DST: variants seen among roughly 807,000 people sequenced by gnomAD.
DST encodes bullous pemphigoid antigen.
In DST, 253 loss-of-function variants were observed where a neutral mutation model predicts 875.2. That is an observed-to-expected ratio of 0.29 (90% CI 0.26 to 0.32). The LOEUF is 0.32. DST is among the 10% of genes least tolerant of loss of function. The pLI is 1.00. For missense variants in DST, 8,287 were observed against 9,111.6 expected (o/e 0.91, Z 3.68); for synonymous variants, 3,124 against 3,197.1 (o/e 0.98, Z 0.77).
intron 36 of DST, chr6:56,618,199 T>A: frequency 3.1e-6 from 5 of 1,614,098 alleles, no homozygotes; most frequent in Non-Finnish European, 4.2e-6. Flanking sequence ...CTTTCTCGAG[T>A]GGAGCCCCTG....
chr6:56,633,080 T>C, intron 27 of DST, 43 bp from the exon 28 acceptor site: 1 of 1,540,160 alleles, frequency 6.5e-7, no homozygotes, highest in South Asian at 1.1e-5. Flanking sequence ...CTATTACTCA[T>C]AGATTTGAAT....
intron 66 of DST, among the ~76,000 whole-genome samples, chr6:56,529,227 C>T (rs1468991925): frequency 6.6e-6 from 1 of 151,954 alleles, no homozygotes. Context: ...TTGTATACAA[C>T]AATAAAATAA....
intron 4 of DST, among the ~76,000 whole-genome samples, chr6:56,840,046 A>T (rs763714645): frequency 6.6e-6 from 1 of 152,250 alleles, no homozygotes; most frequent in Non-Finnish European, 1.5e-5. Flanking sequence ...TTGGTGGAAC[A>T]AAATAATGTA....
At chr6:56,815,799 A>G (rs1412304220) in intron 4 of DST, among the ~76,000 whole-genome samples, 2 of 76,986 alleles carry the variant, frequency 2.6e-5, no homozygotes, top group Non-Finnish European at 4.9e-5. Context: ...TACCCAAACA[A>G]TATCAATTAT....
Position 56,701,881 on chromosome 6 carries a change from A to T in DST, c.954+7T>A. ...TATATGATTACAGTATTTTCAAAAC[A>T]TCATACCTGGCGTCTTTTCAAATAG... On this transcript the variant is annotated splice_region_variant and intron_variant, in intron 8 of 103. Coordinates refer to ENST00000680361, the MANE Select transcript of DST (RefSeq NM_001374736.1). The T allele has an allele frequency of 6.4e-7, 1 of 1,570,210 alleles. No individual in the cohort carries two copies. Among genetic ancestry groups the T allele is most frequent in the South Asian group, 1.1e-5 (1 of 89,284 alleles).
chr6:56,799,576 AT>A (rs34768003), intron 4 of DST, among the ~76,000 whole-genome samples: 23,662 of 143,968 alleles, frequency 0.16, 2,026 homozygotes, highest in Non-Finnish European at 0.19. Flanking sequence ...GACCTTCAGC[AT>A]TTTTTTTTTT....
rs749822399 is a variant in DST, at chr6:56,654,041, T to TA, written c.1215-2798dup. On this transcript the variant is annotated intron_variant, in intron 10 of 103. Coordinates refer to ENST00000680361, the MANE Select transcript of DST (RefSeq NM_001374736.1). ...TTTGACTAACCAAAGAGCATTAGAC[T>TA]ATATTATAGTGACCATGTTCTCATG... Among the ~76,000 whole-genome samples, 12 of 152,364 alleles carry TA rather than the reference T, an allele frequency of 7.9e-5. No individual in the cohort carries two copies. The South Asian group carries it at 1.9e-3, about 24-fold the overall frequency.
intron 31 of DST, 97 bp downstream of exon 31, chr6:56,630,148 A>G: frequency 1.1e-6 from 1 of 938,944 alleles, no homozygotes; most frequent in Non-Finnish European, 1.7e-6. Flanking sequence ...CCATTCAAAA[A>G]TCCAAGATAT....
chr6:56,670,818 C>T lies in DST; in HGVS notation c.1048-11G>A, dbSNP rs1405282294. The T allele has an allele frequency of 1.9e-6, 3 of 1,572,550 alleles. No homozygotes were observed. Among genetic ancestry groups the T allele is most frequent in the Middle Eastern group, 1.7e-4 (1 of 5,938 alleles). Reference sequence around the variant, plus strand: ...ATGGATATCAGATATCTAGATATAACAGAAAGTGTTAAACCTTTAGGAAGG... The same window carrying T: ...ATGGATATCAGATATCTAGATATAATAGAAAGTGTTAAACCTTTAGGAAGG... On this transcript the variant is annotated splice_polypyrimidine_tract_variant and intron_variant, in intron 9 of 103. Coordinates refer to ENST00000680361, the MANE Select transcript of DST (RefSeq NM_001374736.1).
chr6:56,776,022 AACTTTACCGCAG>A (rs2099678424), intron 4 of DST, among the ~76,000 whole-genome samples: 1 of 152,212 alleles, frequency 6.6e-6, no homozygotes, highest in African/African-American at 2.4e-5. Context: ...AAACCTGGCA[AACTTTACCGCAG>A]TCAGGTAATC....
chr6:56,806,212 A>T (rs1433586039), intron 4 of DST, among the ~76,000 whole-genome samples: 1 of 152,222 alleles, frequency 6.6e-6, no homozygotes, highest in Non-Finnish European at 1.5e-5. Context: ...GGCAAAATTT[A>T]AAAATATATA....
chr6:56,951,208 G>A (rs1466481951), intron 2 of DST, among the ~76,000 whole-genome samples: 1 of 152,188 alleles, frequency 6.6e-6, no homozygotes, highest in Non-Finnish European at 1.5e-5. Context: ...CTGTACAAGG[G>A]CTAGCCCAAA....
rs549392101 is a variant in DST at position 56,824,647 on chromosome 6, G to A, written c.625+26750C>T. Among the ~76,000 whole-genome samples, 4 of 151,988 alleles carry A rather than the reference G, an allele frequency of 2.6e-5. No individual in the cohort carries two copies. The East Asian group carries it at 7.7e-4, about 29-fold the overall frequency. ...CGTCTGGGATGTGAGGAGCGCCTCT[G>A]ACCGGCCGCGACCCCGTCTGGGAGG... On this transcript the variant is annotated intron_variant, in intron 4 of 103. Transcript: ENST00000680361.
At chr6:56,501,852 T>C (rs1209284283) in intron 78 of DST, among the ~76,000 whole-genome samples, 159 bp from the exon 79 acceptor site, 3 of 151,984 alleles carry the variant, frequency 2.0e-5, no homozygotes, top group African/African-American at 7.2e-5. Flanking sequence ...GGAAGAATTA[T>C]AGGCAAAAAA....
intron 4 of DST, among the ~76,000 whole-genome samples, chr6:56,748,218 T>C (rs1415365589): frequency 1.3e-5 from 2 of 152,190 alleles, no homozygotes; most frequent in African/African-American, 2.4e-5. Context: ...TATATGGTTA[T>C]GGTTGTATAT....
intron 3 of DST, among the ~76,000 whole-genome samples, chr6:56,869,327 G>C (rs969389541): frequency 1.3e-5 from 2 of 152,154 alleles, no homozygotes; most frequent in East Asian, 1.9e-4. Flanking sequence ...TTAGAGGCTA[G>C]AGCAATAGAA....
At position 56,617,356 on chromosome 6, in the gene DST, G is replaced by A. The variant is rs1250032418; in HGVS notation, c.4930-2872C>T. On this transcript the variant is annotated intron_variant, in intron 36 of 103. Transcript: ENST00000680361. ...TCCATTCTTCAGCACTGGGAACTGG[G>A]TTCTTTTCTTGTTTTAATGTTGTGA... 3.1e-6 allele frequency: 5 copies of A among 1,613,874 alleles called. No homozygotes were observed. The Admixed American group carries it at 6.7e-5, about 22-fold the overall frequency.
intron 5 of DST, among the ~76,000 whole-genome samples, chr6:56,734,520 G>A (rs1291004850): frequency 2.0e-5 from 3 of 152,138 alleles, no homozygotes; most frequent in South Asian, 2.1e-4. Context: ...TTAAAAGGTG[G>A]GAGAAAGGGG....
At chr6:56,618,038 T>C (rs1480523554) in intron 36 of DST, 4 of 1,614,072 alleles carry the variant, frequency 2.5e-6, no homozygotes, top group Non-Finnish European at 2.5e-6. Context: ...GTTATCTTGA[T>C]ACCTAACAGG....
Sources: gnomAD v4.1 joint callset for allele counts (sites outside exome capture counted in the v4.1 genomes callset) on GRCh38, gnomAD v4.1.1 for gene constraint, MANE v1.5 for transcripts, NCBI Gene and HGNC (gene_info 2026-07-23, HGNC 2026-07-21) for gene names.